PLOD2: variants seen among roughly 807,000 people sequenced by gnomAD.
PLOD2 encodes the protein lysine hydroxylase 2.
In PLOD2, 65 loss-of-function variants were observed where a neutral mutation model predicts 101.0. The ratio of observed to expected loss-of-function variants is 0.64; its 90% CI spans 0.53 to 0.79. The LOEUF (loss-of-function observed/expected upper bound fraction) is 0.79, where lower values mean the gene tolerates loss of function less well. Ranked by LOEUF, PLOD2 falls within the 30% of genes least tolerant of loss-of-function variation. The pLI is 0.00. For missense variants in PLOD2, 909 were observed against 914.6 expected (o/e 0.99, Z 0.08); for synonymous variants, 314 against 302.9 (o/e 1.04, Z -0.38).
At chr3:146,159,613 C>T (rs11927021) in intron 1 of PLOD2, among the ~76,000 whole-genome samples, 50,674 of 152,110 alleles carry the variant, frequency 0.33, 8,588 homozygotes, top group South Asian at 0.41. Flanking sequence ...AAAGTATTTA[C>T]TTTCTACTTT....
chr3:146,096,059 G>A (rs1221254008), intron 7 of PLOD2, among the ~76,000 whole-genome samples: 6 of 146,388 alleles, frequency 4.1e-5, no homozygotes, highest in African/African-American at 1.5e-4. Flanking sequence ...ACTGGTTTTC[G>A]TTTTTTTTTG....
At chr3:146,072,948 T>A (rs1488705069) in intron 16 of PLOD2, among the ~76,000 whole-genome samples, 2 of 151,644 alleles carry the variant, frequency 1.3e-5, no homozygotes, top group Non-Finnish European at 3.0e-5. Context: ...GAAAAGACTC[T>A]TCCAGAAAGA....
At chr3:146,151,300 C>G (rs1023897933) in intron 1 of PLOD2, among the ~76,000 whole-genome samples, 1 of 152,090 alleles carries the variant, frequency 6.6e-6, no homozygotes, top group African/African-American at 2.4e-5. Context: ...GAGTTCAAGA[C>G]CAGCCTGACA....
rs1401121766 is a variant in PLOD2, at chr3:146,110,507, A to G, written c.339-59T>C. On this transcript the variant is annotated intron_variant, in intron 3 of 19. Coordinates refer to ENST00000282903, the MANE Select transcript of PLOD2 (RefSeq NM_182943.3). ...CACTTGTCAGAATCTAGGCACATAAACCATGAAAAGTTCTCTAACAAAAGT... is the reference window on the plus strand; with the variant it reads ...CACTTGTCAGAATCTAGGCACATAAGCCATGAAAAGTTCTCTAACAAAAGT... 7.1e-6 allele frequency: 10 copies of G among 1,405,276 alleles called. No individual in the cohort carries two copies. The East Asian group carries it at 1.4e-4, about 19-fold the overall frequency. 87.1% of individuals were successfully genotyped at this position (1,405,276 alleles called of 1,614,324 possible).
chr3:146,145,205 T>C (rs952089875), intron 1 of PLOD2, among the ~76,000 whole-genome samples: 37 of 152,170 alleles, frequency 2.4e-4, no homozygotes, highest in African/African-American at 8.0e-4. Flanking sequence ...TTTGTCTTCA[T>C]CAAAATAAAA....
chr3:146,131,366 T>C (rs1054347501), intron 1 of PLOD2, among the ~76,000 whole-genome samples: 1 of 152,172 alleles, frequency 6.6e-6, no homozygotes, highest in East Asian at 1.9e-4. Context: ...GCAGGTGGTC[T>C]TGGGGATGTC....
chr3:146,071,553 T>A lies in PLOD2; in HGVS notation c.1849-130A>T, dbSNP rs185186839. 507 of 857,114 alleles carry A rather than the reference T, an allele frequency of 5.9e-4. 4 individuals carry two copies. The highest frequency in any genetic ancestry group is 1.1e-3 in the East Asian group (42 of 38,552). The allele number at this position is 857,114 out of a possible 1,614,324, so 53.1% of individuals were successfully genotyped here. ...ACAGTTGTTCCAATGTGGTATATCA[T>A]CTGCTTTAACTGTAAAATTATCAAA... On this transcript the variant is annotated intron_variant, in intron 17 of 19. Transcript: ENST00000282903.
At chr3:146,145,287 T>C (rs2031725258) in intron 1 of PLOD2, among the ~76,000 whole-genome samples, 1 of 152,170 alleles carries the variant, frequency 6.6e-6, no homozygotes, top group African/African-American at 2.4e-5. Flanking sequence ...TATGGTGACA[T>C]AATAAACCTA....
chr3:146,079,708 A>C (rs972715749), intron 12 of PLOD2, among the ~76,000 whole-genome samples: 1 of 152,042 alleles, frequency 6.6e-6, no homozygotes, highest in African/African-American at 2.4e-5. Flanking sequence ...TCACATTGGA[A>C]ACTTGAAATC....
At chr3:146,127,392 A>T (rs2108103554) in intron 1 of PLOD2, among the ~76,000 whole-genome samples, 1 of 152,092 alleles carries the variant, frequency 6.6e-6, no homozygotes, top group Non-Finnish European at 1.5e-5. Flanking sequence ...ATGTGTACCC[A>T]TTGTTTAGCT....
chr3:146,121,038 C>A (rs1380390896), intron 3 of PLOD2, 74 bp downstream of exon 3: 11 of 1,218,520 alleles, frequency 9.0e-6, no homozygotes, highest in African/African-American at 1.5e-5. Context: ...AATACATCAT[C>A]TACAAATATA....
intron 3 of PLOD2, among the ~76,000 whole-genome samples, chr3:146,117,040 T>C (rs533984924): frequency 6.6e-6 from 1 of 152,202 alleles, no homozygotes; most frequent in East Asian, 1.9e-4. Flanking sequence ...CATTCTAAAA[T>C]TGCATAATGG....
chr3:146,072,446 T>C (rs1936177722), intron 17 of PLOD2, 115 bp downstream of exon 17: 1 of 751,866 alleles, frequency 1.3e-6, no homozygotes, highest in Admixed American at 2.1e-5. Context: ...AGCCAATTTA[T>C]CTAAGTCTAG....
intron 1 of PLOD2, among the ~76,000 whole-genome samples, chr3:146,152,975 T>C (rs1381199990): frequency 1.3e-5 from 2 of 152,178 alleles, no homozygotes; most frequent in Non-Finnish European, 2.9e-5. Flanking sequence ...AAAAGGAGGA[T>C]TGTCCTTCTC....
intron 10 of PLOD2, 55 bp downstream of exon 10, chr3:146,086,732 C>T (rs751744543): frequency 8.2e-7 from 1 of 1,222,786 alleles, no homozygotes; most frequent in Non-Finnish European, 1.1e-6. Context: ...TTTATTTTTT[C>T]TTAACGTTTC....
At chr3:146,086,565 T>C (rs1020668215) in intron 10 of PLOD2, 2 of 287,748 alleles carry the variant, frequency 7.0e-6, no homozygotes, top group Non-Finnish European at 1.3e-5. Flanking sequence ...TGATTAAATA[T>C]GTGGACTCGT....
chr3:146,156,557 A>C (rs765365505), intron 1 of PLOD2, among the ~76,000 whole-genome samples: 1 of 152,260 alleles, frequency 6.6e-6, no homozygotes, highest in Non-Finnish European at 1.5e-5. Context: ...TAGTTCACAG[A>C]CCACACAAAC....
At chr3:146,098,164 C>T (rs1373269312) in intron 7 of PLOD2, among the ~76,000 whole-genome samples, 1 of 152,056 alleles carries the variant, frequency 6.6e-6, no homozygotes. Flanking sequence ...CACATGCATA[C>T]CTATGTACAA....
At chr3:146,083,465 A>G (rs1182480840) in intron 11 of PLOD2, among the ~76,000 whole-genome samples, 2 of 152,218 alleles carry the variant, frequency 1.3e-5, no homozygotes, top group African/African-American at 4.8e-5. Context: ...AGCAAGAACC[A>G]TAGGTATTAC....
Sources: gnomAD v4.1 joint callset for allele counts (sites outside exome capture counted in the v4.1 genomes callset) on GRCh38, gnomAD v4.1.1 for gene constraint, MANE v1.5 for transcripts, NCBI Gene and HGNC (gene_info 2026-07-23, HGNC 2026-07-21) for gene names.